The following SMOC1 variants were observed in gnomAD, a reference collection of about 807,000 sequenced individuals.
SMOC1 encodes SPARC related modular calcium binding 1.
In SMOC1, 22 loss-of-function variants were observed where a neutral mutation model predicts 56.3. That is an observed-to-expected ratio of 0.39 (90% CI 0.28 to 0.56). SMOC1 has a LOEUF of 0.56. SMOC1 is among the 20% of genes least tolerant of loss of function. The pLI, the probability that SMOC1 is intolerant of heterozygous loss-of-function variation, is 0.61. For missense variants in SMOC1, 509 were observed against 565.4 expected (o/e 0.90, Z 1.01); for synonymous variants, 193 against 215.0 (o/e 0.90, Z 0.89).
chr14:69,919,241 A>C (rs1884767335), intron 1 of SMOC1, among the ~76,000 whole-genome samples: 1 of 152,154 alleles, frequency 6.6e-6, no homozygotes, highest in African/African-American at 2.4e-5. Flanking sequence ...ATATTCTGGG[A>C]CAGAGAGCAT....
chr14:69,993,568 A>G (rs566205148), intron 6 of SMOC1, among the ~76,000 whole-genome samples: 1 of 152,342 alleles, frequency 6.6e-6, no homozygotes, highest in East Asian at 1.9e-4. Flanking sequence ...CACTGTGGCT[A>G]TGGATGTCCC....
chr14:69,881,396 G>A (rs1883634494), intron 1 of SMOC1, among the ~76,000 whole-genome samples: 2 of 150,596 alleles, frequency 1.3e-5, no homozygotes, highest in Non-Finnish European at 3.0e-5. Context: ...TCGTTTGTTT[G>A]CTGCTGGGCT....
chr14:70,029,186 G>A (rs899494339), intron 11 of SMOC1, among the ~76,000 whole-genome samples: 1 of 152,236 alleles, frequency 6.6e-6, no homozygotes. Flanking sequence ...TCCTCTTCAA[G>A]AGGCCAGGAC....
intron 1 of SMOC1, among the ~76,000 whole-genome samples, chr14:69,949,120 C>A (rs1335007188): frequency 6.6e-6 from 1 of 152,234 alleles, no homozygotes; most frequent in Non-Finnish European, 1.5e-5. Flanking sequence ...GCTCAAGACA[C>A]TCCTGATGAG....
At chr14:69,959,319 G>C (rs1883291033) in intron 3 of SMOC1, among the ~76,000 whole-genome samples, 1 of 152,132 alleles carries the variant, frequency 6.6e-6, no homozygotes, top group South Asian at 2.1e-4. Flanking sequence ...AAAAGGCCAT[G>C]CACTTTTTAA....
chr14:69,990,286 T>C (rs893004042), intron 5 of SMOC1, among the ~76,000 whole-genome samples: 4 of 152,236 alleles, frequency 2.6e-5, no homozygotes, highest in Non-Finnish European at 5.9e-5. Context: ...TGTTTTCAGT[T>C]GTCTTGCTCC....
chr14:69,940,202 C>A (rs1213554566), intron 1 of SMOC1, among the ~76,000 whole-genome samples: 1 of 152,140 alleles, frequency 6.6e-6, no homozygotes, highest in Admixed American at 6.5e-5. Flanking sequence ...GAGACCAACC[C>A]CAGCCATCTT....
At chr14:69,885,872 T>C (rs1883790575) in intron 1 of SMOC1, 4 of 1,601,786 alleles carry the variant, frequency 2.5e-6, no homozygotes, top group Non-Finnish European at 3.4e-6. Context: ...AGTAGCTGTT[T>C]GGCGGTCCAG....
chr14:70,012,016 G>A (rs1366317277), intron 9 of SMOC1, among the ~76,000 whole-genome samples: 6 of 152,210 alleles, frequency 3.9e-5, no homozygotes, highest in Admixed American at 6.5e-5. Flanking sequence ...AGACACATAG[G>A]CAGGGCCCTG....
At position 69,899,378 on chromosome 14, in the gene SMOC1, T is replaced by G. The variant is rs545966273; in HGVS notation, c.99+19601T>G. Among the ~76,000 whole-genome samples, 68 of 152,306 alleles carry G rather than the reference T, an allele frequency of 4.5e-4. 3 individuals carry two copies. In the South Asian group the frequency reaches 0.014, roughly 31 times the overall value. On this transcript the variant is annotated intron_variant, in intron 1 of 11. Coordinates refer to ENST00000361956, the MANE Select transcript of SMOC1 (RefSeq NM_001034852.3). ...TAGCATCATCCTTTTGGTACTATTCTCGTGACAGAGTTCTCATGAGATCTG... is the reference window on the plus strand; with the variant it reads ...TAGCATCATCCTTTTGGTACTATTCGCGTGACAGAGTTCTCATGAGATCTG...
intron 3 of SMOC1, among the ~76,000 whole-genome samples, chr14:69,965,113 C>T (rs1447929890): frequency 6.6e-6 from 1 of 152,086 alleles, no homozygotes; most frequent in Non-Finnish European, 1.5e-5. Context: ...TGCAGTAGCG[C>T]ACGCCTGTAA....
chr14:69,923,007 T>G (rs1420916844), intron 1 of SMOC1, among the ~76,000 whole-genome samples: 1 of 151,512 alleles, frequency 6.6e-6, no homozygotes, highest in East Asian at 1.9e-4. Flanking sequence ...TGCAGTGGCA[T>G]GATCTCGGCT....
intron 5 of SMOC1, among the ~76,000 whole-genome samples, chr14:69,981,186 T>C (rs913811808): frequency 1.3e-5 from 2 of 151,382 alleles, no homozygotes; most frequent in African/African-American, 4.9e-5. Flanking sequence ...TGGCTGTGGC[T>C]CCTGGATCCA....
intron 1 of SMOC1, among the ~76,000 whole-genome samples, chr14:69,905,070 A>C (rs1439938681): frequency 6.6e-6 from 1 of 152,254 alleles, no homozygotes; most frequent in East Asian, 1.9e-4. Context: ...TCATATCGTG[A>C]TGGTGGTCAG....
chr14:69,923,211 C>T (rs1026655015), intron 1 of SMOC1, among the ~76,000 whole-genome samples: 5 of 152,160 alleles, frequency 3.3e-5, no homozygotes, highest in Non-Finnish European at 7.4e-5. Flanking sequence ...TCCCAAAGTG[C>T]TGGGATTACA....
At chr14:69,979,684 C>G (rs1475995604) in intron 5 of SMOC1, among the ~76,000 whole-genome samples, 1 of 152,078 alleles carries the variant, frequency 6.6e-6, no homozygotes, top group African/African-American at 2.4e-5. Flanking sequence ...AGGCTTGCCT[C>G]AAACTCCTGG....
chr14:70,020,581 G>C (rs1594859504), intron 10 of SMOC1, among the ~76,000 whole-genome samples: 1 of 152,142 alleles, frequency 6.6e-6, no homozygotes, highest in African/African-American at 2.4e-5. Context: ...ACTACCTGGA[G>C]GGGCTCAGAG....
chr14:70,013,300 G>A, intron 9 of SMOC1, 86 bp from the exon 10 acceptor site: 1 of 1,208,866 alleles, frequency 8.3e-7, no homozygotes, highest in Admixed American at 1.8e-5. Context: ...AGGGCTTTGA[G>A]AAGTTTAGGA....
chr14:69,962,272 C>T (rs570679813), intron 3 of SMOC1, among the ~76,000 whole-genome samples: 24 of 152,158 alleles, frequency 1.6e-4, no homozygotes, highest in Admixed American at 1.4e-3. Context: ...AGGTGATTCT[C>T]CTGACTCAGC....
Sources: gnomAD v4.1 joint callset for allele counts (sites outside exome capture counted in the v4.1 genomes callset) on GRCh38, gnomAD v4.1.1 for gene constraint, MANE v1.5 for transcripts, NCBI Gene and HGNC (gene_info 2026-07-23, HGNC 2026-07-21) for gene names.